The following SHISA9 variants were observed in gnomAD, a reference collection of about 807,000 sequenced individuals.
SHISA9 encodes the protein shisa family member 9.
A neutral mutation model predicts 38.0 loss-of-function variants in SHISA9; 13 were observed. That is an observed-to-expected ratio of 0.34 (90% CI 0.22 to 0.54). SHISA9 has a LOEUF of 0.54. Among genes scored for constraint, SHISA9 ranks in the 20% least tolerant of loss-of-function variants. The pLI is 0.91. For missense variants in SHISA9, 538 were observed against 575.8 expected, an observed-to-expected ratio of 0.93 and a Z score of 0.67; for synonymous variants, 275 against 242.0, an observed-to-expected ratio of 1.14 and a Z score of -1.27.
intron 2 of SHISA9, among the ~76,000 whole-genome samples, chr16:13,063,473 C>A (rs1443407710): frequency 6.6e-6 from 1 of 152,112 alleles, no homozygotes; most frequent in African/African-American, 2.4e-5. Flanking sequence ...ATCTTTGAAT[C>A]TCAGTTTTCT....
chr16:13,178,746 T>C (rs989400757), intron 2 of SHISA9, among the ~76,000 whole-genome samples: 31 of 152,272 alleles, frequency 2.0e-4, no homozygotes, highest in Non-Finnish European at 4.4e-4. Context: ...AATAGTAATA[T>C]TTCCCAGAGA....
chr16:13,456,284 A>G, the SHISA9 span, among the ~76,000 whole-genome samples: 1 of 151,898 alleles, frequency 6.6e-6, no homozygotes, highest in Non-Finnish European at 1.5e-5. Flanking sequence ...CCTGTTTCCC[A>G]CTCGAATGCT....
chr16:13,089,360 A>G (rs1046618765), intron 2 of SHISA9, among the ~76,000 whole-genome samples: 9 of 152,224 alleles, frequency 5.9e-5, no homozygotes, highest in African/African-American at 2.2e-4. Flanking sequence ...TGACTGGAGT[A>G]CTTTCCGAAG....
chr16:13,108,061 T>A (rs2073943756), intron 2 of SHISA9, among the ~76,000 whole-genome samples: 1 of 151,990 alleles, frequency 6.6e-6, no homozygotes, highest in African/African-American at 2.4e-5. Context: ...AATAAGAAAT[T>A]TTGGTAGGAG....
At chr16:13,298,810 A>T in the SHISA9 span, among the ~76,000 whole-genome samples, 1 of 152,164 alleles carries the variant, frequency 6.6e-6, no homozygotes, top group Admixed American at 6.5e-5. Flanking sequence ...ACTCTCACAC[A>T]TCCTGGCCCC....
chr16:13,175,380 CAAATA>C (rs952462425), intron 2 of SHISA9, among the ~76,000 whole-genome samples: 3 of 152,098 alleles, frequency 2.0e-5, no homozygotes, highest in South Asian at 2.1e-4. Flanking sequence ...TAAATACATA[CAAATA>C]AAATAAAACA....
chr16:13,309,913 G>A, the SHISA9 span, among the ~76,000 whole-genome samples: 2 of 151,932 alleles, frequency 1.3e-5, no homozygotes, highest in African/African-American at 4.8e-5. Flanking sequence ...TTGAGACAGA[G>A]TCTCACTCTT....
chr16:13,302,357 T>C, the SHISA9 span, among the ~76,000 whole-genome samples: 10 of 152,246 alleles, frequency 6.6e-5, no homozygotes, highest in South Asian at 2.1e-3. Flanking sequence ...CCCCTATAAA[T>C]AGTTCTAAAA....
the SHISA9 span, among the ~76,000 whole-genome samples, chr16:13,373,553 G>A: frequency 6.6e-6 from 1 of 152,132 alleles, no homozygotes; most frequent in Non-Finnish European, 1.5e-5. Context: ...ATGAGGTCAG[G>A]AGATCGAGAC....
chr16:13,023,841 C>T (rs1596592958), intron 2 of SHISA9, among the ~76,000 whole-genome samples: 1 of 152,104 alleles, frequency 6.6e-6, no homozygotes, highest in South Asian at 2.1e-4. Flanking sequence ...AATGAGGTCA[C>T]ATTCATAGGT....
the SHISA9 span, among the ~76,000 whole-genome samples, chr16:13,495,272 A>G: frequency 6.6e-6 from 1 of 152,154 alleles, no homozygotes; most frequent in Non-Finnish European, 1.5e-5. Context: ...AGAAAACAGT[A>G]TTTTAGTAGT....
the SHISA9 span, among the ~76,000 whole-genome samples, chr16:13,247,694 C>G: frequency 6.6e-6 from 1 of 152,190 alleles, no homozygotes; most frequent in Non-Finnish European, 1.5e-5. Flanking sequence ...CTGTGTTGTA[C>G]AGTTCAAAGA....
In SHISA9 at chr16:12,902,088, C is replaced by T; in HGVS notation, c.24C>T (p.Leu8=). The stretch of plus-strand genomic sequence containing the variant: ...CCATGCGCCGCGTCCTTCGGCTGCT[C>T]CTCGGTTGCTTCCTCACCGAGCTGT... The part of the protein sequence containing the change: MRRVLRL[L]LGCFLTELCA... The change falls in exon 1 of 5, where the codon CTC becomes CTT. Residue 8 remains leucine, a synonymous_variant. Coordinates refer to ENST00000558583, the MANE Select transcript of SHISA9 (RefSeq NM_001145204.3). 8 of 1,493,926 alleles carry T rather than the reference C, an allele frequency of 5.4e-6. No individual in the cohort carries two copies. Among genetic ancestry groups the T allele is most frequent in the Non-Finnish European group, 7.1e-6 (8 of 1,130,504 alleles). The allele number at this position is 1,493,926 out of a possible 1,614,324, so 92.5% of individuals were successfully genotyped here.
At chr16:13,099,766 A>T (rs1212879400) in intron 2 of SHISA9, among the ~76,000 whole-genome samples, 1 of 152,170 alleles carries the variant, frequency 6.6e-6, no homozygotes, top group Non-Finnish European at 1.5e-5. Flanking sequence ...GCAATTCTGT[A>T]CACTGCCTTT....
the SHISA9 span, among the ~76,000 whole-genome samples, chr16:13,351,478 C>T: frequency 6.6e-6 from 1 of 152,150 alleles, no homozygotes; most frequent in Non-Finnish European, 1.5e-5. Context: ...GGAGGTTGAA[C>T]ATGCAAAGGA....
At chr16:13,437,864 CTTTTTTTTTTTTTT>C in the SHISA9 span, among the ~76,000 whole-genome samples, 1 of 104,490 alleles carries the variant, frequency 9.6e-6, no homozygotes, top group Admixed American at 1.1e-4. Flanking sequence ...CTTTTTTTTT[CTTTTTTTTTTTTTT>C]TTTTGAGACA....
At chr16:13,124,383 A>T (rs1344745602) in intron 2 of SHISA9, among the ~76,000 whole-genome samples, 1 of 152,150 alleles carries the variant, frequency 6.6e-6, no homozygotes. Context: ...CAGGGTAGGG[A>T]GATGGAGGAG....
chr16:13,313,920 C>T, the SHISA9 span, among the ~76,000 whole-genome samples: 1 of 152,162 alleles, frequency 6.6e-6, no homozygotes, highest in African/African-American at 2.4e-5. Flanking sequence ...CATTAAAAGA[C>T]TTGAATGGTA....
At chr16:13,454,831 C>A in the SHISA9 span, among the ~76,000 whole-genome samples, 1 of 152,174 alleles carries the variant, frequency 6.6e-6, no homozygotes, top group African/African-American at 2.4e-5. Context: ...TCCCTGCTTA[C>A]TATTTACTTC....
Sources: allele counts gnomAD v4.1 joint callset (sites outside exome capture counted in the v4.1 genomes callset), GRCh38; gene constraint gnomAD v4.1.1; transcripts MANE v1.5; gene names NCBI Gene and HGNC (gene_info 2026-07-23, HGNC 2026-07-21).